Variants in COL25A1 observed in about 807,000 individuals in gnomAD.
COL25A1 encodes collagen type XXV alpha 1 chain, also known as collagen alpha-1(XXV) chain.
Under a neutral mutation model 128.4 loss-of-function variants are expected in COL25A1, and 103 were observed. The ratio of observed to expected loss-of-function variants is 0.80; its 90% CI spans 0.68 to 0.94. COL25A1 has a LOEUF of 0.94. COL25A1 is among the 40% of genes least tolerant of loss of function. The pLI is 0.00. For missense variants in COL25A1, 745 were observed against 840.0 expected (o/e 0.89, Z 1.40); for synonymous variants, 279 against 277.2 (o/e 1.01, Z -0.06).
At chr4:109,151,170 TA>T (rs1165878497) in intron 3 of COL25A1, among the ~76,000 whole-genome samples, 1 of 152,134 alleles carries the variant, frequency 6.6e-6, no homozygotes, top group Admixed American at 6.5e-5. Context: ...TTGCATGCTT[TA>T]AAATGATTAA....
intron 3 of COL25A1, among the ~76,000 whole-genome samples, chr4:109,208,628 A>G (rs948553796): frequency 6.6e-6 from 1 of 152,170 alleles, no homozygotes; most frequent in African/African-American, 2.4e-5. Context: ...TATTAGCTTC[A>G]CTGAACAAAC....
intron 5 of COL25A1, among the ~76,000 whole-genome samples, chr4:109,028,824 G>C (rs965575052): frequency 3.9e-5 from 6 of 152,212 alleles, no homozygotes; most frequent in African/African-American, 1.4e-4. Context: ...TTGAAAGAGT[G>C]ATAAGAACAA....
chr4:109,298,434 G>T (rs1301649047), intron 3 of COL25A1, among the ~76,000 whole-genome samples: 1 of 152,090 alleles, frequency 6.6e-6, no homozygotes, highest in Non-Finnish European at 1.5e-5. Context: ...TTCAAGGGGT[G>T]GGCATCTGTC....
At chr4:108,980,780 T>C (rs1272743065) in intron 6 of COL25A1, among the ~76,000 whole-genome samples, 3 of 152,238 alleles carry the variant, frequency 2.0e-5, no homozygotes, top group African/African-American at 4.8e-5. Flanking sequence ...AGTTTCCTAC[T>C]CTTTTAAAGA....
intron 3 of COL25A1, among the ~76,000 whole-genome samples, chr4:109,260,319 AT>A (rs1412261708): frequency 1.3e-5 from 2 of 152,106 alleles, no homozygotes; most frequent in Non-Finnish European, 1.5e-5. Flanking sequence ...ACTGGGTCAA[AT>A]TTTTTTTAAA....
intron 6 of COL25A1, among the ~76,000 whole-genome samples, chr4:108,999,472 T>G (rs929781045): frequency 6.6e-6 from 1 of 152,076 alleles, no homozygotes; most frequent in South Asian, 2.1e-4. Context: ...AACAACAGAT[T>G]CTGGAGAGGA....
intron 3 of COL25A1, among the ~76,000 whole-genome samples, chr4:109,164,345 C>A (rs1030602096): frequency 6.6e-6 from 1 of 152,184 alleles, no homozygotes; most frequent in Non-Finnish European, 1.5e-5. Context: ...GAAGAGACAT[C>A]TCCTCTACCC....
intron 6 of COL25A1, among the ~76,000 whole-genome samples, chr4:108,998,377 A>G (rs535336084): frequency 3.3e-5 from 5 of 152,328 alleles, no homozygotes; most frequent in African/African-American, 1.2e-4. Context: ...TGCTACAAAG[A>G]GAATAAAATA....
At chr4:109,079,638 G>A (rs1763663160) in intron 3 of COL25A1, among the ~76,000 whole-genome samples, 1 of 152,018 alleles carries the variant, frequency 6.6e-6, no homozygotes, top group Non-Finnish European at 1.5e-5. Context: ...TGGCTTATAG[G>A]AGGCAGCAGC....
chr4:109,255,728 CCT>C (rs1413968108), intron 3 of COL25A1, among the ~76,000 whole-genome samples: 1 of 152,078 alleles, frequency 6.6e-6, no homozygotes, highest in African/African-American at 2.4e-5. Context: ...CAAATAAATT[CCT>C]CTCATTAAAA....
Position 109,153,778 on chromosome 4 carries a change from A to C in COL25A1, c.368-103599T>G, listed in dbSNP as rs78834402. On this transcript the variant is annotated intron_variant, in intron 3 of 37. Coordinates refer to ENST00000399132, the MANE Select transcript of COL25A1 (RefSeq NM_198721.4). ...ATGAGTTCTAGGGAACTTACCAAAA[A>C]ATAAGATTTTTTATTAAGTGTCTTA... Among the ~76,000 whole-genome samples the C allele has an allele frequency of 1.2e-3, 187 of 152,332 alleles. 1 individual carries two copies. Among genetic ancestry groups the C allele is most frequent in the African/African-American group, 4.3e-3 (179 of 41,566 alleles).
chr4:109,180,581 T>C (rs1774531253), intron 3 of COL25A1, among the ~76,000 whole-genome samples: 1 of 152,150 alleles, frequency 6.6e-6, no homozygotes. Context: ...TTACAGATGA[T>C]GATGGTGGTG....
intron 3 of COL25A1, among the ~76,000 whole-genome samples, chr4:109,085,981 G>T (rs1764327843): frequency 6.6e-6 from 1 of 152,178 alleles, no homozygotes; most frequent in Admixed American, 6.5e-5. Flanking sequence ...AATGGGAGTG[G>T]AGGCTACTAA....
At chr4:109,111,920 C>G (rs749285426) in intron 3 of COL25A1, among the ~76,000 whole-genome samples, 1 of 152,030 alleles carries the variant, frequency 6.6e-6, no homozygotes, top group Non-Finnish European at 1.5e-5. Context: ...GCATTTTTCT[C>G]CAGTGAATAA....
chr4:109,265,035 T>G (rs1475578751), intron 3 of COL25A1, among the ~76,000 whole-genome samples: 1 of 152,170 alleles, frequency 6.6e-6, no homozygotes, highest in Non-Finnish European at 1.5e-5. Context: ...AAATGGAAAG[T>G]AAGTTCAGGT....
In COL25A1 at chr4:108,809,209, A is replaced by ATTTTTTTTTTTTTTTTTTTTTTTTTTT. The variant is rs1730611535; in HGVS notation, c.*4717_*4718insAAAAAAAAAAAAAAAAAAAAAAAAAAA. ...ATATTTTTTTTTGCATATTTCACTTATTTTGTATTTATGTGAGTTTTTGGC... is the reference window on the plus strand; with the variant it reads ...ATATTTTTTTTTGCATATTTCACTTATTTTTTTTTTTTTTTTTTTTTTTTTTTTTTTGTATTTATGTGAGTTTTTGGC... On this transcript the variant is annotated 3_prime_UTR_variant, in exon 38 of 38. Coordinates refer to ENST00000399132, the MANE Select transcript of COL25A1 (RefSeq NM_198721.4). 6.6e-6 allele frequency: 1 copy of ATTTTTTTTTTTTTTTTTTTTTTTTTTT among 152,040 alleles called. No individual in the cohort carries two copies. Among genetic ancestry groups the ATTTTTTTTTTTTTTTTTTTTTTTTTTT allele is most frequent in the African/African-American group, 2.4e-5 (1 of 41,410 alleles). The allele number at this position is 152,040 out of a possible 1,614,324, so 9.4% of individuals were successfully genotyped here.
At chr4:108,901,198 TA>T in intron 13 of COL25A1, 26 bp from the exon 14 acceptor site, 1 of 1,545,270 alleles carries the variant, frequency 6.5e-7, no homozygotes. Flanking sequence ...TAGATACTAC[TA>T]AGTAAAATAG....
intron 35 of COL25A1, 99 bp from the exon 36 acceptor site, chr4:108,819,428 G>A (rs1731560306): frequency 1.1e-6 from 1 of 909,626 alleles, no homozygotes; most frequent in Non-Finnish European, 1.7e-6. Flanking sequence ...GCTGGGAGAG[G>A]AGCAACTCTG....
At chr4:109,280,471 AT>A (rs1159429456) in intron 3 of COL25A1, among the ~76,000 whole-genome samples, 4 of 152,188 alleles carry the variant, frequency 2.6e-5, no homozygotes, top group Non-Finnish European at 5.9e-5. Context: ...AACAAATACA[AT>A]GCACAAACTT....
Sources: gnomAD v4.1 joint callset for allele counts (sites outside exome capture counted in the v4.1 genomes callset) on GRCh38, gnomAD v4.1.1 for gene constraint, MANE v1.5 for transcripts, NCBI Gene and HGNC (gene_info 2026-07-23, HGNC 2026-07-21) for gene names.